Variants in PRKCD observed in about 807,000 individuals in gnomAD.
PRKCD encodes protein kinase C delta type.
A neutral mutation model predicts 82.2 loss-of-function variants in PRKCD; 20 were observed. The ratio of observed to expected loss-of-function variants is 0.24; its 90% confidence interval spans 0.17 to 0.35. PRKCD has a LOEUF of 0.35. Ranked by LOEUF, PRKCD falls within the 10% of genes least tolerant of loss-of-function variation. PRKCD has a pLI of 1.00. For missense variants in PRKCD, 607 were observed against 899.0 expected (o/e 0.68, Z 4.15); for synonymous variants, 317 against 337.0 (o/e 0.94, Z 0.65).
In PRKCD at chr3:53,187,417, G is replaced by A; in HGVS notation, c.1415+15G>A. On this transcript the variant is annotated intron_variant, in intron 15 of 18. Transcript: ENST00000330452. ...ATCATTTACAGGTGCGGGGGTGAGG[G>A]CAGCGGGGGCTCTTGGGAGGGGAGG... The A allele has an allele frequency of 1.9e-6, 3 of 1,613,132 alleles. No individual in the cohort carries two copies. Among genetic ancestry groups the A allele is most frequent in the Non-Finnish European group, 2.5e-6 (3 of 1,179,214 alleles).
intron 1 of PRKCD, among the ~76,000 whole-genome samples, chr3:53,161,931 C>T (rs1004269542): frequency 6.7e-6 from 1 of 148,298 alleles, no homozygotes; most frequent in Non-Finnish European, 1.5e-5. Context: ...GGCCCACGCT[C>T]GCCGCCCCCT....
intron 18 of PRKCD, among the ~76,000 whole-genome samples, chr3:53,191,271 G>A (rs1031665000): frequency 6.6e-5 from 10 of 152,232 alleles, no homozygotes; most frequent in South Asian, 2.1e-4. Flanking sequence ...AGCCGGGTAC[G>A]GTGGTGCACA....
At chr3:53,170,544 G>T (rs1702986051) in intron 2 of PRKCD, among the ~76,000 whole-genome samples, 3 of 152,258 alleles carry the variant, frequency 2.0e-5, no homozygotes, top group Admixed American at 6.5e-5. Context: ...GGCCTGCCCA[G>T]TGATGTGCCT....
intron 16 of PRKCD, 74 bp from the exon 17 acceptor site, chr3:53,188,984 G>A: frequency 6.4e-7 from 1 of 1,571,418 alleles, no homozygotes; most frequent in Non-Finnish European, 8.6e-7. Flanking sequence ...GGCCTGGCTA[G>A]GCTTCGTGCC....
At chr3:53,182,618 A>C (rs1703487825) in intron 7 of PRKCD, among the ~76,000 whole-genome samples, 1 of 152,206 alleles carries the variant, frequency 6.6e-6, no homozygotes, top group African/African-American at 2.4e-5. Context: ...GTCATTGTGA[A>C]GATCAAATGG....
chr3:53,179,544 T>C, intron 3 of PRKCD, 33 bp from the exon 4 acceptor site: 1 of 1,613,604 alleles, frequency 6.2e-7, no homozygotes, highest in Non-Finnish European at 8.5e-7. Context: ...AGAGGGGCCA[T>C]GGCCCAACCT....
chr3:53,172,350 T>A (rs184996655), intron 2 of PRKCD, among the ~76,000 whole-genome samples: 68 of 152,196 alleles, frequency 4.5e-4, no homozygotes, highest in African/African-American at 1.5e-3. Context: ...CTACCCAACC[T>A]GGCAGCTCCA....
Position 53,185,956 on chromosome 3 carries a change from G to A in PRKCD, c.1015G>A (p.Glu339Lys). 1 of 1,614,254 alleles carries A rather than the reference G, an allele frequency of 6.2e-7. No homozygotes were observed. Among genetic ancestry groups the A allele is most frequent in the South Asian group, 1.1e-5 (1 of 91,088 alleles). Residue 339 changes from glutamate to lysine, a missense_variant, in exon 12 of 19, where the codon GAG (glutamate) becomes AAG (lysine). Glu to Lys is a moderately conservative substitution (Grantham distance 56). Coordinates refer to ENST00000330452, the MANE Select transcript of PRKCD (RefSeq NM_006254.4). ...CAGTGGGACCTACGGCAAGATCTGG[G>A]AGGGCAGCAGCAAGTGCAACATCAA... is the stretch of plus-strand genomic sequence containing the variant. ...DNSGTYGKIW[E>K]GSSKCNINNF...
chr3:53,178,698 G>A (rs537564890), intron 3 of PRKCD, among the ~76,000 whole-genome samples, 161 bp downstream of exon 3: 57 of 152,392 alleles, frequency 3.7e-4, no homozygotes, highest in Admixed American at 9.1e-4. Flanking sequence ...AGGCCACTGA[G>A]TCGCTATAGG....
chr3:53,188,470 C>T (rs1402549697), intron 15 of PRKCD, among the ~76,000 whole-genome samples: 1 of 152,188 alleles, frequency 6.6e-6, no homozygotes, highest in Non-Finnish European at 1.5e-5. Context: ...GTGACATCAC[C>T]TGTTTGAGCC....
intron 18 of PRKCD, 147 bp downstream of exon 18, chr3:53,190,148 C>T: frequency 8.4e-7 from 1 of 1,186,826 alleles, no homozygotes; most frequent in South Asian, 1.4e-5. Flanking sequence ...CCCTTGTATT[C>T]TCATCCTCTC....
Position 53,185,653 on chromosome 3 carries a change from A to C in PRKCD, c.938A>C (p.Tyr313Ser). 6.2e-7 allele frequency: 1 copy of C among 1,613,130 alleles called. No homozygotes were observed. Among genetic ancestry groups the C allele is most frequent in the South Asian group, 1.1e-5 (1 of 91,090 alleles). The change falls in exon 11 of 19, where the codon TAT becomes TCT. Residue 313 changes from tyrosine to serine, a missense_variant. Coordinates refer to ENST00000330452, the MANE Select transcript of PRKCD (RefSeq NM_006254.4). The stretch of plus-strand genomic sequence containing the variant: ...GCCTCCTCAGAGCCTGTTGGGATAT[A>C]TCAGGGTTTCGAGAAGAAGACCGGA... ...DSASSEPVGI[Y>S]QGFEKKTGVA...
intron 3 of PRKCD, 61 bp downstream of exon 3, chr3:53,178,598 G>A (rs1703305992): frequency 6.9e-7 from 1 of 1,443,298 alleles, no homozygotes; most frequent in East Asian, 2.4e-5. Flanking sequence ...TGGAAGGACT[G>A]GAGGGGGCCT....
chr3:53,184,959 G>T lies in PRKCD; in HGVS notation c.873G>T (p.Leu291Phe), dbSNP rs782180691. The T allele has an allele frequency of 6.2e-7, 1 of 1,614,006 alleles. No individual in the cohort carries two copies. The highest frequency in any genetic ancestry group is 8.5e-7 in the Non-Finnish European group (1 of 1,179,930). The change falls in exon 10 of 19, where the codon TTG (leucine) becomes TTT (phenylalanine). Residue 291 changes from leucine (L) to phenylalanine (F), a missense_variant. Coordinates refer to ENST00000330452, the MANE Select transcript of PRKCD (RefSeq NM_006254.4). ...ACCAGAAGCTTTTGGCTGAGGCCTTGAACCAAGTCACCCAGGTGGGCAGGT... is the reference window on the plus strand; with the variant it reads ...ACCAGAAGCTTTTGGCTGAGGCCTTTAACCAAGTCACCCAGGTGGGCAGGT... The part of the protein sequence containing the change: ...GINQKLLAEA[L>F]NQVTQRASRR...
At chr3:53,179,481 G>T in intron 3 of PRKCD, 96 bp from the exon 4 acceptor site, 1 of 1,503,196 alleles carries the variant, frequency 6.7e-7, no homozygotes, top group Admixed American at 1.7e-5. Context: ...CAAGGCAGGA[G>T]AGTCGGGCAG....
At chr3:53,189,804 T>A in intron 17 of PRKCD, 69 bp from the exon 18 acceptor site, 1 of 1,604,102 alleles carries the variant, frequency 6.2e-7, no homozygotes, top group Non-Finnish European at 8.5e-7. Flanking sequence ...CTGGGCCTGC[T>A]GGGGATTTGC....
intron 2 of PRKCD, among the ~76,000 whole-genome samples, chr3:53,168,799 G>C (rs186902972): frequency 6.8e-6 from 1 of 147,020 alleles, no homozygotes; most frequent in Non-Finnish European, 1.5e-5. Flanking sequence ...GAAAGGCAGC[G>C]CCTGCCCGAG....
At chr3:53,183,961 G>T (rs1249148303) in intron 9 of PRKCD, among the ~76,000 whole-genome samples, 2 of 71,488 alleles carry the variant, frequency 2.8e-5, no homozygotes, top group African/African-American at 7.1e-5. Flanking sequence ...TGGAGGGAAA[G>T]CGGCTTAAGT....
At chr3:53,164,727 G>A (rs952664956) in intron 1 of PRKCD, among the ~76,000 whole-genome samples, 1 of 152,126 alleles carries the variant, frequency 6.6e-6, no homozygotes, top group East Asian at 1.9e-4. Context: ...TGAGGCTCAG[G>A]GAAATTGCAC....
Sources: gnomAD v4.1 joint callset for allele counts (sites outside exome capture counted in the v4.1 genomes callset) on GRCh38, gnomAD v4.1.1 for gene constraint, MANE v1.5 for transcripts, NCBI Gene and HGNC (gene_info 2026-07-23, HGNC 2026-07-21) for gene names.